The following L3MBTL3 variants were observed in gnomAD, a reference collection of about 807,000 sequenced individuals.
L3MBTL3 encodes the protein lethal(3)malignant brain tumor-like protein 3.
In L3MBTL3, 27 loss-of-function variants were observed where a neutral mutation model predicts 102.3. The observed-to-expected ratio is 0.26, with a 90% CI of 0.19 to 0.36. The LOEUF (loss-of-function observed/expected upper bound fraction) is 0.36. Among genes scored for constraint, L3MBTL3 ranks in the 10% least tolerant of loss-of-function variants. The pLI, the probability that L3MBTL3 is intolerant of heterozygous loss-of-function variation, is 1.00. For missense variants in L3MBTL3, 798 were observed against 955.3 expected (o/e 0.84, Z 2.17); for synonymous variants, 340 against 320.9 (o/e 1.06, Z -0.64).
At chr6:130,130,934 A>C (rs1214060698) in intron 20 of L3MBTL3, among the ~76,000 whole-genome samples, 3 of 152,250 alleles carry the variant, frequency 2.0e-5, no homozygotes, top group Non-Finnish European at 4.4e-5. Context: ...TAAACTTATT[A>C]GAAAACTGTA....
At chr6:130,055,316 G>T in intron 8 of L3MBTL3, 61 bp downstream of exon 8, 1 of 1,327,050 alleles carries the variant, frequency 7.5e-7, no homozygotes, top group East Asian at 2.3e-5. Context: ...GGTTCACACA[G>T]GTGGAAATTT....
At chr6:130,056,775 G>A (rs1048521577) in intron 8 of L3MBTL3, among the ~76,000 whole-genome samples, 4 of 151,898 alleles carry the variant, frequency 2.6e-5, no homozygotes, top group African/African-American at 4.8e-5. Flanking sequence ...TAAGTTTTCC[G>A]ATTTTTTTCT....
chr6:130,129,546 T>C (rs775390928), intron 20 of L3MBTL3, among the ~76,000 whole-genome samples: 59 of 152,182 alleles, frequency 3.9e-4, no homozygotes, highest in Non-Finnish European at 7.6e-4. Context: ...GCCTAAAATA[T>C]TTTTTACTCA....
intron 2 of L3MBTL3, among the ~76,000 whole-genome samples, chr6:130,040,757 T>G (rs936642595): frequency 6.6e-6 from 1 of 152,244 alleles, no homozygotes; most frequent in Non-Finnish European, 1.5e-5. Context: ...AGGCATTCCG[T>G]TAAAAACCAG....
chr6:130,078,020 C>T (rs1038053587), intron 13 of L3MBTL3, among the ~76,000 whole-genome samples: 1 of 152,042 alleles, frequency 6.6e-6, no homozygotes, highest in Admixed American at 6.6e-5. Context: ...AGATGCTTGA[C>T]TGTAGTAGAG....
At chr6:130,119,653 G>A (rs6900956) in intron 19 of L3MBTL3, among the ~76,000 whole-genome samples, 65,978 of 151,910 alleles carry the variant, frequency 0.43, 16,469 homozygotes, top group East Asian at 0.75. Context: ...TTTCAAAAGA[G>A]CAAGTATACT....
In L3MBTL3 at chr6:130,104,513, T is replaced by G; in HGVS notation, c.1824T>G (p.Ser608Arg). The G allele has an allele frequency of 6.3e-7, 1 of 1,595,266 alleles. No individual in the cohort carries two copies. The highest frequency in any genetic ancestry group is 8.5e-7 in the Non-Finnish European group (1 of 1,172,204). Residue 608 changes from serine (S) to arginine (R), a missense_variant, in exon 19 of 23, where the codon AGT becomes AGG. By Grantham distance (110) the Ser-to-Arg change is moderately radical (BLOSUM62 -1). Transcript: ENST00000361794. ...TAAGTGGTGAGATGCCTCCGGCTAGTCCGTCATTTCCAAGAAATAAAAGGA... is the reference window on the plus strand; with the variant it reads ...TAAGTGGTGAGATGCCTCCGGCTAGGCCGTCATTTCCAAGAAATAAAAGGA... The part of the protein sequence containing the change: ...DRLSGEMPPA[S>R]PSFPRNKRTD...
In L3MBTL3 at chr6:130,140,769, T is replaced by G. The variant is rs1005782367; in HGVS notation, c.*1016T>G. The G allele has an allele frequency of 6.6e-6, 1 of 152,228 alleles. No homozygotes were observed. The highest frequency in any genetic ancestry group is 1.9e-4 in the East Asian group (1 of 5,196). The allele number at this position is 152,228 out of a possible 1,614,324, so 9.4% of individuals were successfully genotyped here. A position where few individuals can be genotyped will look rare whatever the true frequency, so the allele number is the denominator to read the frequency against. On this transcript the variant is annotated 3_prime_UTR_variant, in exon 23 of 23. Transcript: ENST00000361794. The stretch of plus-strand genomic sequence containing the variant: ...ATGCATTGTCCTCCAAACCCAAAGG[T>G]TTTTTTCAGGGTTGGCTAGAGAGCG...
chr6:130,103,200 GGTTTTT>G (rs1297327550), intron 18 of L3MBTL3, among the ~76,000 whole-genome samples: 1 of 152,124 alleles, frequency 6.6e-6, no homozygotes, highest in Non-Finnish European at 1.5e-5. Flanking sequence ...AAATGTCACT[GGTTTTT>G]GTTTTTGTTG....
At chr6:130,116,020 G>A (rs909406777) in intron 19 of L3MBTL3, among the ~76,000 whole-genome samples, 1 of 152,072 alleles carries the variant, frequency 6.6e-6, no homozygotes, top group Non-Finnish European at 1.5e-5. Flanking sequence ...TTTGGTTAGA[G>A]GCCACATAGC....
intron 19 of L3MBTL3, among the ~76,000 whole-genome samples, chr6:130,110,033 C>A (rs1329939851): frequency 6.6e-6 from 1 of 152,120 alleles, no homozygotes; most frequent in Non-Finnish European, 1.5e-5. Flanking sequence ...TTTCTGAGGT[C>A]TCTGTTCTCT....
chr6:130,123,091 G>A (rs1046069524), intron 20 of L3MBTL3, among the ~76,000 whole-genome samples: 1 of 152,078 alleles, frequency 6.6e-6, no homozygotes, highest in African/African-American at 2.4e-5. Flanking sequence ...TTTTAACTCA[G>A]TGTTTATTTA....
At chr6:130,122,458 CCT>C (rs1459234391) in intron 20 of L3MBTL3, among the ~76,000 whole-genome samples, 1 of 152,158 alleles carries the variant, frequency 6.6e-6, no homozygotes, top group Non-Finnish European at 1.5e-5. Context: ...TCATCACATA[CCT>C]CTGAGTGTTT....
intron 2 of L3MBTL3, among the ~76,000 whole-genome samples, chr6:130,029,722 C>T (rs965728169): frequency 5.9e-5 from 9 of 152,142 alleles, no homozygotes; most frequent in African/African-American, 7.2e-5. Flanking sequence ...TATTGGCCTT[C>T]GCACAGTTTT....
chr6:130,121,281 AG>A (rs1396169428), intron 20 of L3MBTL3, among the ~76,000 whole-genome samples: 3 of 152,074 alleles, frequency 2.0e-5, no homozygotes, highest in Admixed American at 6.6e-5. Context: ...TCGTGTTTGT[AG>A]GTTCTCATCA....
At chr6:130,126,739 A>T (rs890602205) in intron 20 of L3MBTL3, among the ~76,000 whole-genome samples, 1 of 152,162 alleles carries the variant, frequency 6.6e-6, no homozygotes, top group African/African-American at 2.4e-5. Flanking sequence ...TTCATTTCAA[A>T]AAAGTGTAGG....
At chr6:130,126,501 A>T (rs1048568626) in intron 20 of L3MBTL3, among the ~76,000 whole-genome samples, 1 of 152,172 alleles carries the variant, frequency 6.6e-6, no homozygotes. Context: ...GGTAGTGTTC[A>T]TTGAAGATTT....
chr6:130,138,940 T>C (rs1022861918), intron 22 of L3MBTL3, among the ~76,000 whole-genome samples: 1 of 152,128 alleles, frequency 6.6e-6, no homozygotes, highest in Non-Finnish European at 1.5e-5. Context: ...AGCATAGACT[T>C]TTGTCTTAGA....
intron 18 of L3MBTL3, among the ~76,000 whole-genome samples, chr6:130,096,007 A>G (rs1288251812): frequency 6.6e-6 from 1 of 152,208 alleles, no homozygotes; most frequent in Non-Finnish European, 1.5e-5. Flanking sequence ...TTTTTCAACA[A>G]GAACTAATAT....
Sources: allele counts gnomAD v4.1 joint callset (sites outside exome capture counted in the v4.1 genomes callset), GRCh38; gene constraint gnomAD v4.1.1; transcripts MANE v1.5; gene names NCBI Gene and HGNC (gene_info 2026-07-23, HGNC 2026-07-21).